Variants in PCDH11X observed in about 807,000 individuals in gnomAD.
PCDH11X encodes protocadherin 11 X-linked, also known as protocadherin-11 X-linked.
PCDH11X carries 18 observed loss-of-function variants against 53.3 expected under a neutral mutation model. That is an observed-to-expected ratio of 0.34 (90% CI 0.23 to 0.50). The LOEUF (loss-of-function observed/expected upper bound fraction) is 0.50. PCDH11X is among the 20% of genes least tolerant of loss of function. The pLI, the probability that PCDH11X is intolerant of heterozygous loss-of-function variation, is 0.98. For synonymous variants in PCDH11X, 279 were observed against 393.3 expected (o/e 0.71, Z 3.44); for missense variants, 570 against 1,032.4 (o/e 0.55, Z 6.14).
intron 8 of PCDH11X, among the ~76,000 whole-genome samples, chrX:92,358,926 C>T (rs1268785468): frequency 9.2e-6 from 1 of 108,249 alleles, no homozygotes; most frequent in Admixed American, 1.0e-4. Context: ...TTCATCAATT[C>T]TCACTAATCT....
chrX:92,179,705 G>A (rs923280924), intron 6 of PCDH11X, among the ~76,000 whole-genome samples: 1 of 112,092 alleles, frequency 8.9e-6, no homozygotes, highest in Non-Finnish European at 1.9e-5. Context: ...ATATCATAGA[G>A]TCCTTTTGAG....
chrX:92,122,773 C>T (rs751716078), intron 6 of PCDH11X, among the ~76,000 whole-genome samples: 2 of 109,896 alleles, frequency 1.8e-5, no homozygotes, highest in Admixed American at 2.0e-4. Flanking sequence ...CTTGTCTCTA[C>T]TAAAATTGCA....
intron 10 of PCDH11X, among the ~76,000 whole-genome samples, chrX:92,511,609 T>A (rs892967467): frequency 1.8e-5 from 2 of 111,464 alleles, no homozygotes; most frequent in African/African-American, 6.5e-5. Context: ...TATGATTCCA[T>A]AAAGTGAGAT....
chrX:92,335,165 A>G (rs1184177330), intron 8 of PCDH11X, among the ~76,000 whole-genome samples: 1 of 106,607 alleles, frequency 9.4e-6, no homozygotes, highest in Non-Finnish European at 1.9e-5. Flanking sequence ...TTTTCCCAAC[A>G]TTGGATGCAT....
At chrX:92,149,775 C>T (rs917280522) in intron 6 of PCDH11X, among the ~76,000 whole-genome samples, 1 of 110,742 alleles carries the variant, frequency 9.0e-6, no homozygotes, top group African/African-American at 3.3e-5. Context: ...ACCCAAACAA[C>T]CACTAATATG....
chrX:92,336,957 C>G (rs992261103), intron 8 of PCDH11X, among the ~76,000 whole-genome samples: 3 of 110,983 alleles, frequency 2.7e-5, no homozygotes, highest in Non-Finnish European at 3.8e-5. Context: ...GGTTGATAGG[C>G]TCTAAATATT....
chrX:92,354,628 C>T (rs996129136), intron 8 of PCDH11X, among the ~76,000 whole-genome samples: 6 of 111,689 alleles, frequency 5.4e-5, no homozygotes, highest in African/African-American at 2.0e-4. Context: ...TCCTACTCCA[C>T]AAACTCCTTT....
intron 10 of PCDH11X, among the ~76,000 whole-genome samples, chrX:92,578,369 T>C (rs1602373577): frequency 9.1e-6 from 1 of 109,793 alleles, no homozygotes; most frequent in East Asian, 2.9e-4. Flanking sequence ...TAAAAATAAA[T>C]AAATAGATCT....
intron 8 of PCDH11X, among the ~76,000 whole-genome samples, chrX:92,321,060 CTG>C (rs4021171): frequency 0.042 from 4,559 of 108,973 alleles, 121 homozygotes; most frequent in Non-Finnish European, 0.067. Context: ...CAGAATCAGT[CTG>C]TGGTTAGTGG....
intron 9 of PCDH11X, among the ~76,000 whole-genome samples, chrX:92,457,141 T>A (rs1253634521): frequency 5.4e-5 from 6 of 110,926 alleles, no homozygotes; most frequent in Non-Finnish European, 7.6e-5. Flanking sequence ...GAAAACAAAT[T>A]TTCTAATACA....
chrX:91,796,189 C>T (rs1183589676), intron 1 of PCDH11X, among the ~76,000 whole-genome samples: 1 of 111,796 alleles, frequency 8.9e-6, no homozygotes, highest in Non-Finnish European at 1.9e-5. Flanking sequence ...TCTTACATAG[C>T]TATCTTTTTT....
Position 92,295,866 on chromosome X carries a change from G to C in PCDH11X, c.3144+32723G>C, listed in dbSNP as rs190947666. Among the ~76,000 whole-genome samples, 797 of 108,683 alleles carry C rather than the reference G, an allele frequency of 7.3e-3. 5 individuals carry two copies. The highest frequency in any genetic ancestry group is 0.025 in the African/African-American group (752 of 29,818). The allele number at this position is 108,683 out of a possible 115,157, so 94.4% of individuals were successfully genotyped here. A position where few individuals can be genotyped will look rare whatever the true frequency, so the allele number is the denominator to read the frequency against. Reference sequence around the variant, plus strand: ...AGGCCTAGGCGGGCGGATCCCCTGAGGTCTGGAGTTCGAGACCAGTCTGGC... The same window carrying C: ...AGGCCTAGGCGGGCGGATCCCCTGACGTCTGGAGTTCGAGACCAGTCTGGC... On this transcript the variant is annotated intron_variant, in intron 8 of 10. Transcript: ENST00000682573.
At position 92,620,022 on chromosome X, in the gene PCDH11X, G is replaced by C. The variant is rs1229390317; in HGVS notation, c.*1082G>C. On this transcript the variant is annotated 3_prime_UTR_variant, in exon 11 of 11. Coordinates refer to ENST00000682573, the MANE Select transcript of PCDH11X (RefSeq NM_032968.5). ...CATATACTAAATCTATAAGACTAAG[G>C]GATTTTTGTTATTCTAGCTCAACTT... is the stretch of plus-strand genomic sequence containing the variant. 1 of 110,302 alleles carries C rather than the reference G, an allele frequency of 9.1e-6. No individual in the cohort carries two copies. Among genetic ancestry groups the C allele is most frequent in the Non-Finnish European group, 1.9e-5 (1 of 52,718 alleles). 9.1% of individuals were successfully genotyped at this position (110,302 alleles called of 1,213,427 possible). A position where few individuals can be genotyped will look rare whatever the true frequency, so the allele number is the denominator to read the frequency against.
chrX:92,553,000 T>TGTGTGTGC (rs1556488319), intron 10 of PCDH11X, among the ~76,000 whole-genome samples: 1 of 81,343 alleles, frequency 1.2e-5, no homozygotes, highest in Non-Finnish European at 2.4e-5. Flanking sequence ...TTTTCGTGTG[T>TGTGTGTGC]GTGTGTGTGT....
At chrX:92,501,047 A>G (rs1462262761) in intron 10 of PCDH11X, among the ~76,000 whole-genome samples, 1 of 110,093 alleles carries the variant, frequency 9.1e-6, no homozygotes, top group East Asian at 2.9e-4. Context: ...GGGGGATATC[A>G]CCACTGATCC....
At chrX:92,585,852 G>A (rs1418864119) in intron 10 of PCDH11X, among the ~76,000 whole-genome samples, 1 of 106,501 alleles carries the variant, frequency 9.4e-6, no homozygotes, top group Non-Finnish European at 1.9e-5. Context: ...GGATAGCTTT[G>A]GGTGTTTAAA....
chrX:92,463,886 G>A (rs781751750), intron 9 of PCDH11X, among the ~76,000 whole-genome samples: 2 of 111,047 alleles, frequency 1.8e-5, no homozygotes, highest in African/African-American at 3.3e-5. Context: ...TACAACTCTA[G>A]GCTATGAAAG....
chrX:92,300,500 C>T (rs180820352), intron 8 of PCDH11X, among the ~76,000 whole-genome samples: 58 of 110,435 alleles, frequency 5.3e-4, no homozygotes, highest in African/African-American at 1.6e-3. Flanking sequence ...GTTTGTTTTT[C>T]GGAGTCTTGC....
intron 6 of PCDH11X, among the ~76,000 whole-genome samples, chrX:92,109,411 T>A (rs2064454607): frequency 9.1e-6 from 1 of 109,966 alleles, no homozygotes; most frequent in Non-Finnish European, 1.9e-5. Context: ...CAGTAGGGGC[T>A]TGGGAAGTGG....
Sources: gnomAD v4.1 joint callset for allele counts (sites outside exome capture counted in the v4.1 genomes callset) on GRCh38, gnomAD v4.1.1 for gene constraint, MANE v1.5 for transcripts, NCBI Gene and HGNC (gene_info 2026-07-23, HGNC 2026-07-21) for gene names.